The following ASPH variants were observed in gnomAD, a reference collection of about 807,000 sequenced individuals.
The protein encoded by ASPH is aspartyl/asparaginyl beta-hydroxylase.
Under a neutral mutation model 118.4 loss-of-function variants are expected in ASPH, and 100 were observed. The ratio of observed to expected loss-of-function variants is 0.84; its 90% CI spans 0.72 to 1.00. The LOEUF is 1.00. Ranked by LOEUF, ASPH falls within the 50% of genes least tolerant of loss-of-function variation. The probability of loss-of-function intolerance (pLI) is 0.00; values close to 1 mark genes in which losing one functional copy is unlikely to be tolerated. For synonymous variants in ASPH, 315 were observed against 325.6 expected (o/e 0.97, Z 0.35); for missense variants, 920 against 919.5 (o/e 1.00, Z -0.01).
chr8:61,568,874 G>T (rs572085160), intron 16 of ASPH, among the ~76,000 whole-genome samples: 1 of 152,248 alleles, frequency 6.6e-6, no homozygotes, highest in Non-Finnish European at 1.5e-5. Context: ...ACTGTAAAGG[G>T]GAGCAGAAAA....
chr8:61,672,774 G>A (rs1001683803), intron 3 of ASPH, among the ~76,000 whole-genome samples: 2 of 152,150 alleles, frequency 1.3e-5, no homozygotes, highest in African/African-American at 4.8e-5. Flanking sequence ...TCTGAATACT[G>A]GTTCCATCAT....
chr8:61,628,514 C>A (rs1001184004), intron 13 of ASPH, among the ~76,000 whole-genome samples: 1 of 151,960 alleles, frequency 6.6e-6, no homozygotes, highest in Non-Finnish European at 1.5e-5. Context: ...TGAGAAGAGA[C>A]ACTTGCCTAC....
intron 19 of ASPH, among the ~76,000 whole-genome samples, chr8:61,553,669 T>TA (rs1410326503): frequency 6.6e-6 from 1 of 152,200 alleles, no homozygotes; most frequent in African/African-American, 2.4e-5. Context: ...ATGTAATTTT[T>TA]ATTAAACAAA....
At chr8:61,644,703 C>T in intron 6 of ASPH, 71 bp from the exon 7 acceptor site, 1 of 1,149,282 alleles carries the variant, frequency 8.7e-7, no homozygotes, top group Non-Finnish European at 1.2e-6. Context: ...CGTATATGTA[C>T]TCTGAATCTA....
chr8:61,576,855 T>C lies in ASPH; in HGVS notation c.1066A>G (p.Lys356Glu), dbSNP rs548801422. ...DAAEKLRKRGKIEEAVNAFKE... is the reference protein window; with the variant it reads ...DAAEKLRKRGEIEEAVNAFKE... ...AATGCATTCACTGCTTCCTCAATTT[T>C]TCCCTGTTAGAAAGACAAAATTACA... Residue 356 changes from lysine to glutamate, a missense_variant, in exon 16 of 25, where the codon AAA becomes GAA. Coordinates refer to ENST00000379454, the MANE Select transcript of ASPH (RefSeq NM_004318.4). The C allele has an allele frequency of 1.0e-5, 16 of 1,606,054 alleles. No individual in the cohort carries two copies. In the South Asian group the frequency reaches 1.7e-4, roughly 17 times the overall value.
chr8:61,658,948 A>C (rs1310055258), intron 3 of ASPH: 2 of 152,376 alleles, frequency 1.3e-5, no homozygotes, highest in Admixed American at 6.5e-5. Context: ...GTAGTCTGGC[A>C]GCAAAGTCCA....
intron 22 of ASPH, 67 bp downstream of exon 22, chr8:61,525,910 C>T (rs1815153138): frequency 1.3e-6 from 2 of 1,593,426 alleles, no homozygotes; most frequent in Non-Finnish European, 1.7e-6. Context: ...CACCAGAAGA[C>T]TCTTGTCAGT....
intron 14 of ASPH, among the ~76,000 whole-genome samples, chr8:61,614,111 T>C (rs1212994881): frequency 6.6e-6 from 1 of 152,176 alleles, no homozygotes; most frequent in Non-Finnish European, 1.5e-5. Flanking sequence ...TGGTGTTTTG[T>C]TAGGGCCCTG....
At chr8:61,607,385 GCTGA>G (rs1845902291) in intron 14 of ASPH, 1 of 630,842 alleles carries the variant, frequency 1.6e-6, no homozygotes, top group Non-Finnish European at 2.9e-6. Flanking sequence ...ATCCATACAC[GCTGA>G]CTTTTAAAAA....
chr8:61,676,934 T>A (rs540972194), intron 3 of ASPH, among the ~76,000 whole-genome samples: 1 of 152,098 alleles, frequency 6.6e-6, no homozygotes, highest in East Asian at 1.9e-4. Context: ...ACTCAAATTA[T>A]GTAACTCAGA....
At chr8:61,560,125 C>T (rs1200743249) in intron 18 of ASPH, among the ~76,000 whole-genome samples, 2 of 152,224 alleles carry the variant, frequency 1.3e-5, no homozygotes, top group Non-Finnish European at 2.9e-5. Flanking sequence ...TCATGAACTA[C>T]TGTTTCTCTA....
intron 1 of ASPH, among the ~76,000 whole-genome samples, chr8:61,690,030 A>T (rs1050289054): frequency 6.6e-6 from 1 of 152,224 alleles, no homozygotes; most frequent in Admixed American, 6.5e-5. Context: ...CTGAAAAAAA[A>T]TGAAATGGAA....
rs186633417 is a variant in ASPH, at chr8:61,577,608, C to T, written c.1063-750G>A. 2.0e-3 allele frequency among the ~76,000 whole-genome samples: 306 copies of T among 152,264 alleles called. 1 individual carries two copies. Among genetic ancestry groups the T allele is most frequent in the South Asian group, 0.014 (69 of 4,824 alleles). ...GAGGTTTAACTGAATCACAGTTCCACGTGGCTGGGGAGGCCTAAGGAAACT... is the reference window on the plus strand; with the variant it reads ...GAGGTTTAACTGAATCACAGTTCCATGTGGCTGGGGAGGCCTAAGGAAACT... On this transcript the variant is annotated intron_variant, in intron 15 of 24. Transcript: ENST00000379454.
chr8:61,515,718 T>C (rs1467680582), intron 24 of ASPH, among the ~76,000 whole-genome samples: 1 of 152,204 alleles, frequency 6.6e-6, no homozygotes, highest in Non-Finnish European at 1.5e-5. Context: ...ACTTGCCTCA[T>C]GCCTCCCAAA....
intron 12 of ASPH, among the ~76,000 whole-genome samples, chr8:61,634,906 T>G (rs927286745): frequency 6.6e-6 from 1 of 152,210 alleles, no homozygotes; most frequent in African/African-American, 2.4e-5. Flanking sequence ...CTAAATTTAT[T>G]ACAAAAAATA....
chr8:61,626,338 T>A (rs1337600355), intron 13 of ASPH: 5 of 1,408,754 alleles, frequency 3.5e-6, no homozygotes, highest in African/African-American at 1.5e-5. Flanking sequence ...ACTGTGAAAC[T>A]GCTTCATTTT....
intron 13 of ASPH, chr8:61,626,201 A>G (rs948145451): frequency 6.9e-7 from 1 of 1,441,442 alleles, no homozygotes; most frequent in Non-Finnish European, 9.1e-7. Context: ...CACAAGATCT[A>G]TCACAGCCAT....
At position 61,517,667 on chromosome 8, in the gene ASPH, T is replaced by C. The variant is rs375665822; in HGVS notation, c.1993-6A>G. ...TGCATGATGGAATATTTGATCTGCATAGAAAACATGACACTCCATTCAGCC... is the reference window on the plus strand; with the variant it reads ...TGCATGATGGAATATTTGATCTGCACAGAAAACATGACACTCCATTCAGCC... On this transcript the variant is annotated splice_region_variant and splice_polypyrimidine_tract_variant and intron_variant, in intron 23 of 24. Transcript: ENST00000379454. 129 of 1,612,912 alleles carry C rather than the reference T, an allele frequency of 8.0e-5. No individual in the cohort carries two copies. In the African/African-American group the frequency reaches 1.3e-3, roughly 17 times the overall value.
At chr8:61,661,885 T>C (rs572196160) in intron 3 of ASPH, 1 of 445,696 alleles carries the variant, frequency 2.2e-6, no homozygotes, top group Non-Finnish European at 4.0e-6. Context: ...AGTCTCTCAT[T>C]GTGAAATTTT....
Sources: gnomAD v4.1 joint callset for allele counts (sites outside exome capture counted in the v4.1 genomes callset) on GRCh38, gnomAD v4.1.1 for gene constraint, MANE v1.5 for transcripts, NCBI Gene and HGNC (gene_info 2026-07-23, HGNC 2026-07-21) for gene names.